The following GNG2 variants were observed in gnomAD, a reference collection of about 807,000 sequenced individuals.
The protein encoded by GNG2 is guanine nucleotide-binding protein G(I)/G(S)/G(O) subunit gamma-2.
A neutral mutation model predicts 5.5 loss-of-function variants in GNG2; 5 were observed. The observed-to-expected ratio is 0.91, with a 90% CI of 0.48 to 1.92. The LOEUF is 1.92. GNG2 is among the 30% of genes most tolerant of loss of function. GNG2 has a pLI of 0.01. For synonymous variants in GNG2, 28 were observed against 32.0 expected, an observed-to-expected ratio of 0.88 and a Z score of 0.42; for missense variants, 55 against 88.4, an observed-to-expected ratio of 0.62 and a Z score of 1.52.
intron 2 of GNG2, among the ~76,000 whole-genome samples, chr14:51,950,018 A>G (rs78713780): frequency 0.033 from 4,974 of 152,218 alleles, 191 homozygotes; most frequent in East Asian, 0.14. Flanking sequence ...GGGATTACAG[A>G]TGTGGGCCAC....
At chr14:51,828,910 G>C in intron 2 of GNG2, among the ~76,000 whole-genome samples, 1 of 152,158 alleles carries the variant, frequency 6.6e-6, no homozygotes. Context: ...ATGTGCAGAC[G>C]TGACAGGCCC....
At chr14:51,920,936 A>G (rs960698549) in intron 2 of GNG2, among the ~76,000 whole-genome samples, 3 of 152,200 alleles carry the variant, frequency 2.0e-5, no homozygotes, top group African/African-American at 7.2e-5. Flanking sequence ...ACATTTCATT[A>G]GGATTAGAGT....
At chr14:51,940,863 G>C (rs1888278973) in intron 2 of GNG2, among the ~76,000 whole-genome samples, 1 of 152,120 alleles carries the variant, frequency 6.6e-6, no homozygotes. Flanking sequence ...CTGAAACCTG[G>C]CAGGCCGATA....
At chr14:51,859,669 A>G (rs549092356), upstream of GNG2, among the ~76,000 whole-genome samples, 7 of 152,338 alleles carry the variant, frequency 4.6e-5, no homozygotes, top group Non-Finnish European at 1.0e-4. Flanking sequence ...CCAAGTTCAT[A>G]CAGTCATTAA....
At chr14:51,942,800 A>G (rs1379831320) in intron 2 of GNG2, among the ~76,000 whole-genome samples, 2 of 151,614 alleles carry the variant, frequency 1.3e-5, no homozygotes, top group Admixed American at 6.6e-5. Flanking sequence ...AAATTTTCCC[A>G]TTCAAATTTA....
chr14:51,905,373 C>T (rs571911101), intron 2 of GNG2, among the ~76,000 whole-genome samples: 44 of 152,082 alleles, frequency 2.9e-4, no homozygotes, highest in African/African-American at 6.3e-4. Flanking sequence ...ACCATATAAA[C>T]GAAAACTACA....
chr14:51,966,134 C>T (rs1000120764), intron 3 of GNG2, among the ~76,000 whole-genome samples: 3 of 138,932 alleles, frequency 2.2e-5, no homozygotes, highest in Admixed American at 8.0e-5. Flanking sequence ...TGCTTGAACC[C>T]AGGAGGCAGA....
intron 2 of GNG2, among the ~76,000 whole-genome samples, chr14:51,828,291 G>A (rs767624730): frequency 1.3e-5 from 2 of 152,208 alleles, no homozygotes; most frequent in African/African-American, 4.8e-5. Context: ...CTTTCACACA[G>A]TAGGGAAGTT....
chr14:51,834,562 T>C (rs1881283261), intron 2 of GNG2, among the ~76,000 whole-genome samples: 2 of 152,212 alleles, frequency 1.3e-5, no homozygotes, highest in African/African-American at 4.8e-5. Context: ...GCTGCCTCTG[T>C]CTTACGCTCC....
chr14:51,954,463 A>C (rs887891297), intron 3 of GNG2, among the ~76,000 whole-genome samples: 1 of 152,198 alleles, frequency 6.6e-6, no homozygotes, highest in Admixed American at 6.5e-5. Context: ...ACATGCACAA[A>C]AGTAAAGGAC....
chr14:51,841,701 T>C (rs527747643), intron 2 of GNG2: 1 of 597,374 alleles, frequency 1.7e-6, no homozygotes, highest in Admixed American at 2.9e-5. Context: ...AAAATCACTT[T>C]GTAGGAAATA....
intron 2 of GNG2, among the ~76,000 whole-genome samples, chr14:51,944,093 A>G (rs1244449348): frequency 6.6e-6 from 1 of 152,238 alleles, no homozygotes; most frequent in African/African-American, 2.4e-5. Context: ...CAGACAATCC[A>G]TATATAGAGA....
At chr14:51,883,366 A>G (rs1439482449) in intron 2 of GNG2, among the ~76,000 whole-genome samples, 1 of 152,240 alleles carries the variant, frequency 6.6e-6, no homozygotes. Flanking sequence ...AAAAAATACT[A>G]TTTAAATATC....
At chr14:51,856,199 AAAG>A (rs1448247512), upstream of GNG2, among the ~76,000 whole-genome samples, 2 of 152,000 alleles carry the variant, frequency 1.3e-5, no homozygotes. Context: ...ATGAAAAAAT[AAAG>A]AACTAGCTGG....
At chr14:51,865,905 G>T (rs1314254641) in intron 1 of GNG2, among the ~76,000 whole-genome samples, 1 of 151,518 alleles carries the variant, frequency 6.6e-6, no homozygotes, top group African/African-American at 2.4e-5. Flanking sequence ...GTATTTAGTG[G>T]GAGTCAGTGT....
intron 2 of GNG2, among the ~76,000 whole-genome samples, chr14:51,851,559 A>G (rs1286727782): frequency 6.6e-6 from 1 of 152,240 alleles, no homozygotes; most frequent in African/African-American, 2.4e-5. Flanking sequence ...CTGCCTGATC[A>G]AGAACACAAT....
chr14:51,877,400 A>C (rs1436955500), intron 1 of GNG2, among the ~76,000 whole-genome samples: 1 of 152,162 alleles, frequency 6.6e-6, no homozygotes, highest in Non-Finnish European at 1.5e-5. Flanking sequence ...AAGGGACTCC[A>C]ATTTCACAAA....
At chr14:51,845,511 T>C (rs1448824011) in intron 2 of GNG2, among the ~76,000 whole-genome samples, 3 of 152,108 alleles carry the variant, frequency 2.0e-5, no homozygotes, top group African/African-American at 7.2e-5. Flanking sequence ...TAAATATCCA[T>C]GGATCTTTAA....
chr14:51,845,954 A>G (rs1234309537), intron 2 of GNG2, among the ~76,000 whole-genome samples: 1 of 152,180 alleles, frequency 6.6e-6, no homozygotes, highest in Non-Finnish European at 1.5e-5. Context: ...TCTCGACATC[A>G]CTGCTCCAGC....
Sources: allele counts gnomAD v4.1 joint callset (sites outside exome capture counted in the v4.1 genomes callset), GRCh38; gene constraint gnomAD v4.1.1; transcripts MANE v1.5; gene names NCBI Gene and HGNC (gene_info 2026-07-23, HGNC 2026-07-21).